The following MNAT1 variants were observed in gnomAD, a reference collection of about 807,000 sequenced individuals.
The protein encoded by MNAT1 is CDK-activating kinase assembly factor MAT1.
A neutral mutation model predicts 42.0 loss-of-function variants in MNAT1; 43 were observed. That is an observed-to-expected ratio of 1.02 (90% CI 0.80 to 1.32). MNAT1 has a LOEUF of 1.32. Ranked by LOEUF, MNAT1 falls within the 40% of genes most tolerant of loss-of-function variation. The pLI is 0.00. For synonymous variants in MNAT1, 118 were observed against 120.0 expected (o/e 0.98, Z 0.11); for missense variants, 306 against 350.4 (o/e 0.87, Z 1.01).
At chr14:60,939,984 T>C (rs1189838375) in intron 7 of MNAT1, among the ~76,000 whole-genome samples, 1 of 152,232 alleles carries the variant, frequency 6.6e-6, no homozygotes, top group East Asian at 1.9e-4. Flanking sequence ...TACCATTATG[T>C]AATGGCCTTC....
chr14:60,746,090 A>T (rs1030191824), intron 1 of MNAT1, among the ~76,000 whole-genome samples: 3 of 152,210 alleles, frequency 2.0e-5, no homozygotes, highest in African/African-American at 7.2e-5. Context: ...AAGTTAGAAA[A>T]TCTAGGCTCT....
intron 2 of MNAT1, among the ~76,000 whole-genome samples, chr14:60,797,282 C>T (rs536873797): frequency 3.3e-5 from 5 of 151,864 alleles, no homozygotes; most frequent in Non-Finnish European, 7.4e-5. Context: ...TTTGATCTTT[C>T]ATTGGTAATT....
chr14:60,814,480 T>C (rs1331263631), intron 5 of MNAT1, among the ~76,000 whole-genome samples: 1 of 150,762 alleles, frequency 6.6e-6, no homozygotes, highest in Non-Finnish European at 1.5e-5. Flanking sequence ...GCTTTTGTGT[T>C]TGTGTGTGTG....
At chr14:60,957,657 G>A (rs2036509754) in intron 7 of MNAT1, among the ~76,000 whole-genome samples, 1 of 152,124 alleles carries the variant, frequency 6.6e-6, no homozygotes, top group South Asian at 2.1e-4. Flanking sequence ...TTCTGTGTCA[G>A]TGTATGTATT....
In MNAT1 at chr14:60,934,077, TAGAA is replaced by T. The variant is rs534844419; in HGVS notation, c.810-34148_810-34145del. ...AAGGTAGAGATGTACATAAGCTGCT[TAGAA>T]AGAGAGTTTATTGGTTTCAGAAGTT... is the stretch of plus-strand genomic sequence containing the variant. On this transcript the variant is annotated intron_variant, in intron 7 of 7. Transcript: ENST00000261245. Among the ~76,000 whole-genome samples the T allele has an allele frequency of 5.9e-4, 90 of 152,290 alleles. No individual in the cohort carries two copies. In the South Asian group the frequency reaches 0.012, roughly 20 times the overall value.
intron 6 of MNAT1, among the ~76,000 whole-genome samples, chr14:60,853,412 C>T (rs981221054): frequency 1.3e-5 from 2 of 152,134 alleles, no homozygotes; most frequent in African/African-American, 2.4e-5. Context: ...TGAGACTTTG[C>T]TGAAGTTGCT....
chr14:60,853,838 T>C (rs1450588882), intron 6 of MNAT1, among the ~76,000 whole-genome samples: 1 of 152,232 alleles, frequency 6.6e-6, no homozygotes, highest in East Asian at 1.9e-4. Flanking sequence ...GTTTATGTGA[T>C]TGATTACATT....
intron 1 of MNAT1, among the ~76,000 whole-genome samples, chr14:60,778,580 T>C (rs2031333435): frequency 6.6e-6 from 1 of 152,214 alleles, no homozygotes; most frequent in Admixed American, 6.5e-5. Context: ...TTACAGAGTG[T>C]TTGATCCACT....
At chr14:60,837,673 T>A (rs1243246513) in intron 6 of MNAT1, among the ~76,000 whole-genome samples, 1 of 152,232 alleles carries the variant, frequency 6.6e-6, no homozygotes, top group Non-Finnish European at 1.5e-5. Context: ...TTGGCCATCT[T>A]GCCCTCTTTT....
intron 6 of MNAT1, among the ~76,000 whole-genome samples, chr14:60,848,636 G>A (rs534059800): frequency 6.6e-6 from 1 of 152,040 alleles, no homozygotes; most frequent in Non-Finnish European, 1.5e-5. Flanking sequence ...GTGGCGTTAT[G>A]TACTGTTGCT....
At chr14:60,937,053 A>T (rs10467811) in intron 7 of MNAT1, among the ~76,000 whole-genome samples, 2 of 150,956 alleles carry the variant, frequency 1.3e-5, no homozygotes, top group African/African-American at 4.9e-5. Context: ...CATATCCTTC[A>T]CCCACTTGTT....
intron 7 of MNAT1, among the ~76,000 whole-genome samples, chr14:60,926,760 A>G (rs1218541142): frequency 6.6e-6 from 1 of 152,072 alleles, no homozygotes; most frequent in Non-Finnish European, 1.5e-5. Context: ...TGATTATATC[A>G]TTGGCCATTG....
intron 7 of MNAT1, among the ~76,000 whole-genome samples, chr14:60,883,917 G>C (rs775505413): frequency 1.5e-4 from 23 of 151,980 alleles, no homozygotes; most frequent in Admixed American, 5.2e-4. Flanking sequence ...TGCTGATTTT[G>C]TATTCTGCAA....
intron 6 of MNAT1, among the ~76,000 whole-genome samples, chr14:60,838,564 G>A (rs2033459994): frequency 6.6e-6 from 1 of 152,218 alleles, no homozygotes; most frequent in African/African-American, 2.4e-5. Flanking sequence ...GATGGCAGCA[G>A]CAGTCACTGC....
intron 1 of MNAT1, among the ~76,000 whole-genome samples, chr14:60,763,076 C>G (rs767194929): frequency 4.6e-5 from 7 of 152,022 alleles, no homozygotes; most frequent in Non-Finnish European, 8.8e-5. Context: ...CATTGAAACA[C>G]TGCAGATTCA....
chr14:60,764,037 G>A (rs2140301812), intron 1 of MNAT1, among the ~76,000 whole-genome samples: 1 of 152,248 alleles, frequency 6.6e-6, no homozygotes, highest in East Asian at 1.9e-4. Flanking sequence ...TGTAATTCTT[G>A]AGTCATTGCC....
rs4151150 is a variant in MNAT1, at chr14:60,734,916, C to T, written c.54C>T (p.Ser18=). 25,947 of 1,614,102 alleles carry T rather than the reference C, an allele frequency of 0.016. 400 individuals are homozygous for T. Among genetic ancestry groups the T allele is most frequent in the South Asian group, 0.063 (5,732 of 91,062 alleles). The change falls in exon 1 of 8, where the codon TCC becomes TCT. Residue 18 remains serine (S), a synonymous_variant. Transcript: ENST00000261245. This position sits in a 1 kb window ranked among gnomAD's most constrained non-coding sequence, Gnocchi z 4.3. ...RCKTTKYRNP[S]LKLMVNVCGH... ...AGACCACCAAATATCGGAACCCCTC[C>T]TTGAAGCTGATGGTGAATGTGTGCG... is the stretch of plus-strand genomic sequence containing the variant.
At chr14:60,865,656 T>C (rs961998799) in intron 6 of MNAT1, among the ~76,000 whole-genome samples, 1 of 152,056 alleles carries the variant, frequency 6.6e-6, no homozygotes, top group Non-Finnish European at 1.5e-5. Context: ...ATAATACTTT[T>C]CAACATTGTA....
At chr14:60,905,668 G>A (rs2035181301) in intron 7 of MNAT1, among the ~76,000 whole-genome samples, 2 of 152,172 alleles carry the variant, frequency 1.3e-5, no homozygotes, top group Non-Finnish European at 2.9e-5. Flanking sequence ...TGAAAGTCAT[G>A]GAGTATGAAG....
Sources: allele counts gnomAD v4.1 joint callset (sites outside exome capture counted in the v4.1 genomes callset), GRCh38; gene constraint gnomAD v4.1.1; non-coding constraint Gnocchi (gnomAD v3.1); transcripts MANE v1.5; gene names NCBI Gene and HGNC (gene_info 2026-07-23, HGNC 2026-07-21).